Variants in TENM2 observed in about 807,000 individuals in gnomAD.
TENM2 encodes the protein teneurin-2.
Under a neutral mutation model 245.2 loss-of-function variants are expected in TENM2, and 52 were observed. The ratio of observed to expected loss-of-function variants is 0.21; its 90% CI spans 0.17 to 0.27. TENM2 has a LOEUF of 0.27. Among genes scored for constraint, TENM2 ranks in the 10% least tolerant of loss-of-function variants. TENM2 has a pLI of 1.00. For synonymous variants in TENM2, 1,363 were observed against 1,438.9 expected (o/e 0.95, Z 1.19); for missense variants, 3,046 against 3,666.8 (o/e 0.83, Z 4.37).
chr5:168,058,888 C>G (rs1233360597), intron 6 of TENM2, among the ~76,000 whole-genome samples: 1 of 152,022 alleles, frequency 6.6e-6, no homozygotes, highest in Admixed American at 6.6e-5. Context: ...GTTACACCCT[C>G]CAAGGCAGTT....
At chr5:167,941,732 T>C (rs1561961268) in intron 3 of TENM2, among the ~76,000 whole-genome samples, 1 of 151,228 alleles carries the variant, frequency 6.6e-6, no homozygotes, top group Non-Finnish European at 1.5e-5. Context: ...TATGTGCCTG[T>C]AGTCCCACCT....
intron 2 of TENM2, among the ~76,000 whole-genome samples, chr5:167,429,031 A>G (rs1408905799): frequency 6.6e-6 from 1 of 152,154 alleles, no homozygotes; most frequent in Non-Finnish European, 1.5e-5. Context: ...ATTTTTATAC[A>G]CGTGTGTTTT....
At chr5:168,087,922 T>C (rs1792600467) in intron 7 of TENM2, among the ~76,000 whole-genome samples, 1 of 152,194 alleles carries the variant, frequency 6.6e-6, no homozygotes, top group Admixed American at 6.5e-5. Flanking sequence ...CGATTCTTCC[T>C]TAAATGAAAA....
chr5:168,038,203 G>A (rs144312660), intron 5 of TENM2, among the ~76,000 whole-genome samples: 274 of 152,192 alleles, frequency 1.8e-3, no homozygotes, highest in African/African-American at 5.8e-3. Flanking sequence ...CATAAAATTC[G>A]TAACAATTGC....
intron 1 of TENM2, among the ~76,000 whole-genome samples, chr5:167,358,469 CT>C (rs34914768): frequency 2.7e-5 from 4 of 146,670 alleles, no homozygotes; most frequent in African/African-American, 5.0e-5. Flanking sequence ...CTCCTTTCTT[CT>C]TTTTTTTTTT....
exon 17 of TENM2, chr5:168,199,922 C>T: frequency 6.2e-7 from 1 of 1,613,954 alleles, no homozygotes. Flanking sequence ...TATCTGAGCT[C>T]TAGAACTGCA....
At chr5:168,067,208 C>T (rs1395707383) in intron 7 of TENM2, among the ~76,000 whole-genome samples, 1 of 152,184 alleles carries the variant, frequency 6.6e-6, no homozygotes, top group Admixed American at 6.5e-5. Flanking sequence ...GATGGGCTTA[C>T]AGCTCCAGCA....
chr5:168,050,226 T>G (rs547940561), intron 6 of TENM2, among the ~76,000 whole-genome samples: 1 of 152,270 alleles, frequency 6.6e-6, no homozygotes, highest in South Asian at 2.1e-4. Context: ...TAAAAAGAGA[T>G]CAGATCTCTT....
chr5:167,493,587 G>T (rs990761238), intron 2 of TENM2, among the ~76,000 whole-genome samples: 4 of 152,074 alleles, frequency 2.6e-5, no homozygotes, highest in African/African-American at 9.7e-5. Context: ...TATTTGCTAT[G>T]ATTACTATTA....
chr5:167,638,093 GTGTGTGT>G (rs1779327964), intron 2 of TENM2, among the ~76,000 whole-genome samples: 1 of 382 alleles, frequency 2.6e-3, no homozygotes, highest in Non-Finnish European at 6.1e-3. Flanking sequence ...CAGGGCAGGT[GTGTGTGT>G]GTGTGTGTGT....
At position 167,957,093 on chromosome 5, in the gene TENM2, A is replaced by G. The variant is rs61225655; in HGVS notation, c.947+4271A>G. Among the ~76,000 whole-genome samples the G allele has an allele frequency of 8.6e-3, 1,292 of 150,370 alleles. 20 individuals are homozygous for G. Among genetic ancestry groups the G allele is most frequent in the African/African-American group, 0.03 (1,218 of 41,150 alleles). On this transcript the variant is annotated intron_variant, in intron 4 of 28. Coordinates refer to ENST00000518659, the Ensembl canonical transcript of TENM2. ...TCTGGTAGGATTCAACTCTGATTCC[A>G]TCTGGTTCTGGGCTTTTTTTTTTGT... is the stretch of plus-strand genomic sequence containing the variant.
At chr5:167,805,049 G>A (rs929940486) in intron 2 of TENM2, among the ~76,000 whole-genome samples, 1 of 152,116 alleles carries the variant, frequency 6.6e-6, no homozygotes, top group Non-Finnish European at 1.5e-5. Context: ...AGTTCACCAG[G>A]CATCTGTGGT....
the TENM2 span, among the ~76,000 whole-genome samples, chr5:167,187,966 G>A: frequency 9.2e-5 from 14 of 152,200 alleles, no homozygotes; most frequent in African/African-American, 2.9e-4. Context: ...TTACAGCAGC[G>A]TCAGGAGTTG....
At chr5:167,700,445 A>G (rs934821907) in intron 2 of TENM2, among the ~76,000 whole-genome samples, 1 of 152,160 alleles carries the variant, frequency 6.6e-6, no homozygotes, top group African/African-American at 2.4e-5. Flanking sequence ...GGCACCATTC[A>G]TTTAGACTAA....
intron 2 of TENM2, among the ~76,000 whole-genome samples, chr5:167,744,022 C>T (rs1276476120): frequency 1.3e-5 from 2 of 152,170 alleles, no homozygotes; most frequent in Admixed American, 1.3e-4. Context: ...CTTGCCTGTG[C>T]TCACACAGCT....
chr5:166,997,014 A>G, the TENM2 span, among the ~76,000 whole-genome samples: 3 of 152,140 alleles, frequency 2.0e-5, no homozygotes, highest in East Asian at 1.9e-4. Flanking sequence ...TTCACACACT[A>G]TTGATTCCCC....
intron 13 of TENM2, among the ~76,000 whole-genome samples, chr5:168,169,918 T>A (rs7711412): frequency 1.3e-5 from 2 of 152,034 alleles, no homozygotes; most frequent in African/African-American, 4.8e-5. Context: ...ACAGAGTCCC[T>A]GATTAGCTCC....
intron 9 of TENM2, among the ~76,000 whole-genome samples, chr5:168,098,956 C>T (rs925572001): frequency 3.3e-5 from 5 of 152,126 alleles, no homozygotes; most frequent in African/African-American, 1.2e-4. Context: ...GTCGCCCAAA[C>T]TGGAATGCAG....
At chr5:167,645,850 A>G (rs1212114367) in intron 2 of TENM2, among the ~76,000 whole-genome samples, 2 of 152,006 alleles carry the variant, frequency 1.3e-5, no homozygotes, top group Non-Finnish European at 2.9e-5. Flanking sequence ...CTATATATGT[A>G]TATGTAATGC....
Sources: allele counts gnomAD v4.1 joint callset (sites outside exome capture counted in the v4.1 genomes callset), GRCh38; gene constraint gnomAD v4.1.1; transcripts MANE v1.5; gene names NCBI Gene and HGNC (gene_info 2026-07-23, HGNC 2026-07-21).